Variants in FRMD4A observed in about 807,000 individuals in gnomAD.
FRMD4A encodes the protein FERM domain containing 4A, also known as FERM domain-containing protein 4A.
In FRMD4A, 29 loss-of-function variants were observed where a neutral mutation model predicts 129.1. The observed-to-expected ratio is 0.22, with a 90% confidence interval of 0.17 to 0.31. The LOEUF (loss-of-function observed/expected upper bound fraction) is 0.31. Ranked by LOEUF, FRMD4A falls within the 10% of genes least tolerant of loss-of-function variation. FRMD4A has a pLI of 1.00. For missense variants in FRMD4A, 1,272 were observed against 1,375.8 expected, an observed-to-expected ratio of 0.92 and a Z score of 1.19; for synonymous variants, 634 against 571.6, an observed-to-expected ratio of 1.11 and a Z score of -1.56.
intron 2 of FRMD4A, chr10:13,971,515 G>A: frequency 2.3e-6 from 1 of 439,220 alleles, no homozygotes; most frequent in South Asian, 1.8e-5. Context: ...ATGAGGCTCT[G>A]TTCATGTTAA....
At chr10:14,207,691 C>T (rs547310634) in intron 2 of FRMD4A, among the ~76,000 whole-genome samples, 1 of 150,580 alleles carries the variant, frequency 6.6e-6, no homozygotes, top group African/African-American at 2.5e-5. Context: ...GGTAACCACA[C>T]ACACACACAC....
chr10:13,686,208 TGG>T (rs1300208763), intron 15 of FRMD4A, among the ~76,000 whole-genome samples: 1 of 152,124 alleles, frequency 6.6e-6, no homozygotes, highest in Admixed American at 6.5e-5. Flanking sequence ...CCACAGGCCA[TGG>T]GTAATGGAGG....
intron 2 of FRMD4A, among the ~76,000 whole-genome samples, chr10:13,884,196 TCACA>T (rs1564971568): frequency 2.8e-5 from 3 of 108,536 alleles, no homozygotes; most frequent in African/African-American, 1.1e-4. Flanking sequence ...ACACACACAC[TCACA>T]CACACACTCA....
chr10:13,876,447 C>T (rs190647716), intron 2 of FRMD4A, among the ~76,000 whole-genome samples: 3 of 152,234 alleles, frequency 2.0e-5, no homozygotes, highest in South Asian at 2.1e-4. Flanking sequence ...AATGTGTGGT[C>T]GAACATCCCC....
At chr10:13,906,755 T>A (rs921437958) in intron 2 of FRMD4A, among the ~76,000 whole-genome samples, 7 of 152,136 alleles carry the variant, frequency 4.6e-5, no homozygotes, top group African/African-American at 1.7e-4. Flanking sequence ...TACATTCCAA[T>A]TCCATCCCTG....
At chr10:13,884,240 A>ACACACACACACACC (rs200093883) in intron 2 of FRMD4A, among the ~76,000 whole-genome samples, 2 of 135,172 alleles carry the variant, frequency 1.5e-5, no homozygotes, top group South Asian at 2.8e-4. Context: ...ACACACACAC[A>ACACACACACACACC]CTCCCTAAAA....
At chr10:14,213,980 T>G (rs144280618) in intron 2 of FRMD4A, among the ~76,000 whole-genome samples, 3,422 of 152,290 alleles carry the variant, frequency 0.022, 122 homozygotes, top group African/African-American at 0.076. Flanking sequence ...CTCGTGATAG[T>G]AAATAAGTCT....
chr10:13,701,926 A>T (rs371394435), intron 13 of FRMD4A, among the ~76,000 whole-genome samples: 1 of 152,198 alleles, frequency 6.6e-6, no homozygotes, highest in South Asian at 2.1e-4. Flanking sequence ...GGGAATTGGG[A>T]CTTCTTATAT....
At chr10:13,943,345 T>C (rs1281765287) in intron 2 of FRMD4A, among the ~76,000 whole-genome samples, 15 of 151,914 alleles carry the variant, frequency 9.9e-5, no homozygotes, top group Admixed American at 9.8e-4. Context: ...AATAGATAAT[T>C]TGTTGAAAAG....
chr10:13,866,504 A>G (rs1216895382), intron 2 of FRMD4A, among the ~76,000 whole-genome samples: 1 of 152,218 alleles, frequency 6.6e-6, no homozygotes, highest in East Asian at 1.9e-4. Flanking sequence ...CAGAAAAGTG[A>G]AGACTCAAAG....
At position 13,937,422 on chromosome 10, in the gene FRMD4A, A is replaced by G. The variant is rs545229479; in HGVS notation, c.46-78510T>C. On this transcript the variant is annotated intron_variant, in intron 2 of 24. Transcript: ENST00000357447. ...TCATGTTGTAGAAGTCAAAACTACA[A>G]CTCCCGTCACCAACCCAACGCCCAG... Among the ~76,000 whole-genome samples the G allele has an allele frequency of 2.0e-5, 3 of 151,906 alleles. No homozygotes were observed. In the South Asian group the frequency reaches 6.3e-4, roughly 32 times the overall value.
At chr10:14,137,493 G>C (rs1273407632) in intron 2 of FRMD4A, among the ~76,000 whole-genome samples, 1 of 152,168 alleles carries the variant, frequency 6.6e-6, no homozygotes, top group East Asian at 1.9e-4. Flanking sequence ...TTTGCCTTCT[G>C]ACTTGAATGC....
At chr10:14,054,432 C>T (rs572702792) in intron 2 of FRMD4A, among the ~76,000 whole-genome samples, 50 of 152,270 alleles carry the variant, frequency 3.3e-4, no homozygotes, top group African/African-American at 1.2e-3. Flanking sequence ...GCCCTAATTT[C>T]CCAAAACACA....
chr10:14,235,873 G>A (rs932231828), intron 2 of FRMD4A, among the ~76,000 whole-genome samples: 11 of 152,168 alleles, frequency 7.2e-5, no homozygotes, highest in African/African-American at 2.2e-4. Flanking sequence ...CACAATTCCC[G>A]TGCCAAACCA....
In FRMD4A at chr10:13,786,139, T is replaced by C. The variant is rs967398804; in HGVS notation, c.300-3133A>G. ...TATAATCCTTCAGGTATATACCCAG[T>C]AATGGGATGGCTGGGTCAAATGGTA... is the stretch of plus-strand genomic sequence containing the variant. On this transcript the variant is annotated intron_variant, in intron 5 of 24. Coordinates refer to ENST00000357447, the MANE Select transcript of FRMD4A (RefSeq NM_018027.5). Among the ~76,000 whole-genome samples the C allele has an allele frequency of 5.9e-5, 9 of 152,194 alleles. No homozygotes were observed. In the East Asian group the frequency reaches 1.2e-3, roughly 20 times the overall value.
intron 3 of FRMD4A, among the ~76,000 whole-genome samples, chr10:13,818,944 G>A (rs182602460): frequency 1.3e-5 from 2 of 152,234 alleles, no homozygotes; most frequent in Middle Eastern, 3.4e-3. Context: ...TGGCCAACAC[G>A]GTGAAACCCT....
At chr10:14,311,187 A>G (rs1846535130) in intron 2 of FRMD4A, among the ~76,000 whole-genome samples, 1 of 152,056 alleles carries the variant, frequency 6.6e-6, no homozygotes, top group East Asian at 1.9e-4. Context: ...ATCCCACACA[A>G]GCCTCCCCAC....
chr10:13,815,171 T>A (rs1012224770), intron 3 of FRMD4A, among the ~76,000 whole-genome samples: 2 of 152,134 alleles, frequency 1.3e-5, no homozygotes, highest in African/African-American at 4.8e-5. Context: ...CTGTCCTGGG[T>A]CTCACAGCCA....
chr10:13,923,500 A>T (rs1589284056), intron 2 of FRMD4A, among the ~76,000 whole-genome samples: 1 of 152,208 alleles, frequency 6.6e-6, no homozygotes, highest in South Asian at 2.1e-4. Context: ...ATACGTACAC[A>T]CACATAAACC....
Sources: allele counts gnomAD v4.1 joint callset (sites outside exome capture counted in the v4.1 genomes callset), GRCh38; gene constraint gnomAD v4.1.1; transcripts MANE v1.5; gene names NCBI Gene and HGNC (gene_info 2026-07-23, HGNC 2026-07-21).